The following MPZL1 variants were observed in gnomAD, a reference collection of about 807,000 sequenced individuals.
The protein encoded by MPZL1 is myelin protein zero-like protein 1.
Under a neutral mutation model 29.3 loss-of-function variants are expected in MPZL1, and 16 were observed. That is an observed-to-expected ratio of 0.55 (90% CI 0.37 to 0.83). MPZL1 has a LOEUF of 0.83. Among genes scored for constraint, MPZL1 ranks in the 40% least tolerant of loss-of-function variants. The pLI is 0.00. For synonymous variants in MPZL1, 143 were observed against 132.0 expected, an observed-to-expected ratio of 1.08 and a Z score of -0.57; for missense variants, 279 against 332.9, an observed-to-expected ratio of 0.84 and a Z score of 1.26.
intron 1 of MPZL1, among the ~76,000 whole-genome samples, chr1:167,756,502 C>T (rs1301095422): frequency 7.1e-6 from 1 of 141,662 alleles, no homozygotes; most frequent in African/African-American, 2.6e-5. Flanking sequence ...GTGATTCTCT[C>T]ACACAGAAAG....
intron 5 of MPZL1, among the ~76,000 whole-genome samples, chr1:167,786,000 A>G (rs1027559673): frequency 2.0e-5 from 3 of 152,116 alleles, no homozygotes; most frequent in Non-Finnish European, 4.4e-5. Flanking sequence ...TCACCGTGTT[A>G]GCAAGGATGG....
At position 167,789,943 on chromosome 1, in the gene MPZL1, G is replaced by C. The variant is rs1211663435; in HGVS notation, c.*2022G>C. 1.3e-5 allele frequency: 2 copies of C among 152,182 alleles called. No individual in the cohort carries two copies. Among genetic ancestry groups the C allele is most frequent in the African/African-American group, 2.4e-5 (1 of 41,438 alleles). 9.4% of individuals were successfully genotyped at this position (152,182 alleles called of 1,614,324 possible). On this transcript the variant is annotated 3_prime_UTR_variant, in exon 6 of 6. Transcript: ENST00000359523. ...TATGTTTGGAGGGGAAGGGTGTTGA[G>C]ATTGTCACCATCCTTCAAGCTGAGA... is the stretch of plus-strand genomic sequence containing the variant.
intron 1 of MPZL1, among the ~76,000 whole-genome samples, chr1:167,735,113 G>A (rs1660350304): frequency 6.6e-6 from 1 of 152,142 alleles, no homozygotes; most frequent in South Asian, 2.1e-4. Context: ...TGCTCAAGCT[G>A]GGAATTTGAA....
intron 5 of MPZL1, among the ~76,000 whole-genome samples, chr1:167,783,203 G>A (rs185491394): frequency 2.8e-4 from 42 of 152,300 alleles, no homozygotes; most frequent in Admixed American, 9.8e-4. Flanking sequence ...ATCTACCTGA[G>A]CAAAGGGAGA....
chr1:167,781,355 A>G (rs1044229549), intron 5 of MPZL1, among the ~76,000 whole-genome samples: 1 of 152,184 alleles, frequency 6.6e-6, no homozygotes, highest in African/African-American at 2.4e-5. Context: ...TCTGGTTCAT[A>G]AAACAATTCT....
At chr1:167,766,812 G>A (rs1225662171) in intron 2 of MPZL1, among the ~76,000 whole-genome samples, 1 of 152,138 alleles carries the variant, frequency 6.6e-6, no homozygotes, top group Non-Finnish European at 1.5e-5. Context: ...GGTTAGAATT[G>A]TTTAAACTTC....
intron 1 of MPZL1, among the ~76,000 whole-genome samples, chr1:167,731,434 CTTTTTTTTTT>C (rs1255648939): frequency 8.2e-6 from 1 of 121,588 alleles, no homozygotes; most frequent in African/African-American, 3.3e-5. Context: ...AAAACTGTGT[CTTTTTTTTTT>C]TTTTTTTTTT....
At chr1:167,764,125 G>A (rs1301881854) in intron 1 of MPZL1, among the ~76,000 whole-genome samples, 3 of 151,910 alleles carry the variant, frequency 2.0e-5, no homozygotes, top group Non-Finnish European at 2.9e-5. Context: ...TATTCCAAAC[G>A]ATTTCTTTAA....
In MPZL1 at chr1:167,788,000, A is replaced by G; in HGVS notation, c.*79A>G. ...TGCAGAAAATGTAGCCCATTACCAC[A>G]TGTAGCCTTGGAGACCCAGGCAAGG... On this transcript the variant is annotated 3_prime_UTR_variant, in exon 6 of 6. Transcript: ENST00000359523. 2 of 1,219,118 alleles carry G rather than the reference A, an allele frequency of 1.6e-6. No individual in the cohort carries two copies. The highest frequency in any genetic ancestry group is 1.3e-5 in the South Asian group (1 of 79,570). The allele number at this position is 1,219,118 out of a possible 1,614,324, so 75.5% of individuals were successfully genotyped here.
rs1661657899 is a variant in MPZL1 at position 167,789,298 on chromosome 1, T to G, written c.*1377T>G. 6.6e-6 allele frequency: 1 copy of G among 152,220 alleles called. No individual in the cohort carries two copies. The highest frequency in any genetic ancestry group is 2.4e-5 in the African/African-American group (1 of 41,454). The allele number at this position is 152,220 out of a possible 1,614,324, so 9.4% of individuals were successfully genotyped here. Reference sequence around the variant, plus strand: ...CCATTTTCTGAATTTTTTTTTAAATTTCCCCCCTTTTAAAATTGTTCGAAA... The same window carrying G: ...CCATTTTCTGAATTTTTTTTTAAATGTCCCCCCTTTTAAAATTGTTCGAAA... On this transcript the variant is annotated 3_prime_UTR_variant, in exon 6 of 6. Coordinates refer to ENST00000359523, the MANE Select transcript of MPZL1 (RefSeq NM_003953.6).
Position 167,734,415 on chromosome 1 carries a change from CCTTT to C in MPZL1, c.91+12176_91+12179del, listed in dbSNP as rs1419972416. 3.9e-5 allele frequency among the ~76,000 whole-genome samples: 6 copies of C among 152,208 alleles called. No homozygotes were observed. The East Asian group carries it at 1.2e-3, about 29-fold the overall frequency. The stretch of plus-strand genomic sequence containing the variant: ...AGCCAGCAAACCAAACTGTTAGAGC[CCTTT>C]CTAACACCCTGAGTTGCGTAACATT... On this transcript the variant is annotated intron_variant, in intron 1 of 5. Coordinates refer to ENST00000359523, the MANE Select transcript of MPZL1 (RefSeq NM_003953.6).
At position 167,771,700 on chromosome 1, in the gene MPZL1, C is replaced by T. The variant is rs183859415; in HGVS notation, c.259-575C>T. Reference sequence around the variant, plus strand: ...CAGAGGATGGGCGGCCAGGCAGAGACGCTCCTCACTTCCTAGATGGGGTGG... The same window carrying T: ...CAGAGGATGGGCGGCCAGGCAGAGATGCTCCTCACTTCCTAGATGGGGTGG... On this transcript the variant is annotated intron_variant, in intron 2 of 5. Coordinates refer to ENST00000359523, the MANE Select transcript of MPZL1 (RefSeq NM_003953.6). Among the ~76,000 whole-genome samples the T allele has an allele frequency of 4.5e-3, 689 of 152,134 alleles. 10 individuals are homozygous for T. The highest frequency in any genetic ancestry group is 0.016 in the African/African-American group (655 of 41,484).
chr1:167,780,190 A>AT (rs1373269020), intron 5 of MPZL1, among the ~76,000 whole-genome samples: 31 of 152,248 alleles, frequency 2.0e-4, no homozygotes, highest in Admixed American at 2.0e-3. Flanking sequence ...GAAAATGAGC[A>AT]AAGGGTAGAT....
chr1:167,751,670 CAAA>C (rs397970508), intron 1 of MPZL1, among the ~76,000 whole-genome samples: 3 of 72,120 alleles, frequency 4.2e-5, no homozygotes, highest in African/African-American at 8.4e-5. Context: ...GACTCCATCT[CAAA>C]AAAAAAAAAA....
intron 1 of MPZL1, among the ~76,000 whole-genome samples, chr1:167,736,813 A>G (rs1481100382): frequency 6.6e-6 from 1 of 152,182 alleles, no homozygotes. Context: ...AACTGTTGCC[A>G]GAGGGATCTC....
At chr1:167,748,016 A>G (rs1044321075) in intron 1 of MPZL1, among the ~76,000 whole-genome samples, 2 of 152,220 alleles carry the variant, frequency 1.3e-5, no homozygotes, top group Admixed American at 6.5e-5. Context: ...TTCACTTAGC[A>G]TAACATTTTC....
chr1:167,751,758 G>A (rs565797319), intron 1 of MPZL1, among the ~76,000 whole-genome samples: 2 of 152,066 alleles, frequency 1.3e-5, no homozygotes, highest in African/African-American at 2.4e-5. Flanking sequence ...CAATTTGCAG[G>A]TTTATACATG....
chr1:167,775,540 TG>T (rs1661348617), intron 4 of MPZL1, among the ~76,000 whole-genome samples: 1 of 152,146 alleles, frequency 6.6e-6, no homozygotes, highest in African/African-American at 2.4e-5. Context: ...GATTTGATTG[TG>T]GTATTGGTAG....
chr1:167,770,707 A>G (rs994804899), intron 2 of MPZL1, among the ~76,000 whole-genome samples: 1 of 152,196 alleles, frequency 6.6e-6, no homozygotes, highest in Non-Finnish European at 1.5e-5. Flanking sequence ...GGGCTCAATC[A>G]TGGTGTTACT....
Sources: gnomAD v4.1 joint callset for allele counts (sites outside exome capture counted in the v4.1 genomes callset) on GRCh38, gnomAD v4.1.1 for gene constraint, MANE v1.5 for transcripts, NCBI Gene and HGNC (gene_info 2026-07-23, HGNC 2026-07-21) for gene names.